Variants in TMEM38B observed in about 807,000 individuals in gnomAD.
TMEM38B encodes the protein trimeric intracellular cation channel type B.
Under a neutral mutation model 28.7 loss-of-function variants are expected in TMEM38B, and 24 were observed. That is an observed-to-expected ratio of 0.84 (90% confidence interval 0.61 to 1.18). The LOEUF (loss-of-function observed/expected upper bound fraction) is 1.18, where lower values mean the gene tolerates loss of function less well. TMEM38B is among the 50% of genes most tolerant of loss of function. TMEM38B has a pLI of 0.00. For missense variants in TMEM38B, 380 were observed against 350.9 expected (o/e 1.08, Z -0.66); for synonymous variants, 131 against 127.7 (o/e 1.03, Z -0.17).
intron 5 of TMEM38B, among the ~76,000 whole-genome samples, chr9:105,752,125 A>G (rs1837678037): frequency 6.6e-6 from 1 of 151,946 alleles, no homozygotes; most frequent in Non-Finnish European, 1.5e-5. Context: ...TTCACTGGAG[A>G]GGACCTCCCT....
chr9:105,765,424 C>T (rs1214204023), intron 5 of TMEM38B, among the ~76,000 whole-genome samples: 2 of 152,102 alleles, frequency 1.3e-5, no homozygotes, highest in Admixed American at 6.6e-5. Flanking sequence ...ATTTGTATAC[C>T]TGTGTAACTA....
At chr9:105,718,990 C>G (rs1461442948) in intron 2 of TMEM38B, among the ~76,000 whole-genome samples, 1 of 152,198 alleles carries the variant, frequency 6.6e-6, no homozygotes, top group African/African-American at 2.4e-5. Flanking sequence ...ACTGGACTAA[C>G]ATGAACTGTA....
chr9:105,694,731 C>T lies in TMEM38B; in HGVS notation c.71C>T (p.Ala24Val). The part of the protein sequence containing the change: ...RTSMFPFFDI[A>V]HYLVSVMAVK... The stretch of plus-strand genomic sequence containing the variant: ...TCCATGTTTCCCTTTTTTGACATCG[C>T]GCACTATCTAGTGTCAGTGATGGCG... The change falls in exon 1 of 6, where the codon GCG becomes GTG. Residue 24 changes from alanine to valine, a missense_variant. Physicochemically the swap from Ala to Val is moderately conservative, Grantham distance 64 (BLOSUM62 0). Coordinates refer to ENST00000374692, the MANE Select transcript of TMEM38B (RefSeq NM_018112.3). The T allele has an allele frequency of 1.2e-6, 2 of 1,613,700 alleles. No individual in the cohort carries two copies. Among genetic ancestry groups the T allele is most frequent in the South Asian group, 1.1e-5 (1 of 91,064 alleles).
intron 4 of TMEM38B, among the ~76,000 whole-genome samples, chr9:105,747,542 G>A (rs1588450557): frequency 6.6e-6 from 1 of 152,048 alleles, no homozygotes; most frequent in Admixed American, 6.6e-5. Context: ...TGGATTCATT[G>A]ATTTTTTGAA....
intron 1 of TMEM38B, among the ~76,000 whole-genome samples, chr9:105,703,492 A>G (rs1050953813): frequency 2.6e-5 from 4 of 152,348 alleles, no homozygotes; most frequent in African/African-American, 9.6e-5. Flanking sequence ...GTTGTGAATA[A>G]TGCCGCAATA....
At chr9:105,759,916 A>C in intron 5 of TMEM38B, 1 of 1,596,542 alleles carries the variant, frequency 6.3e-7, no homozygotes, top group Non-Finnish European at 8.6e-7. Context: ...TGAAATGATC[A>C]TGAAACCAAA....
intron 1 of TMEM38B, among the ~76,000 whole-genome samples, chr9:105,699,309 T>G (rs944066765): frequency 1.3e-5 from 2 of 152,156 alleles, no homozygotes; most frequent in Non-Finnish European, 2.9e-5. Context: ...ATTGGCAACT[T>G]TTTCCTATCC....
Position 105,728,869 on chromosome 9 carries a change from A to G in TMEM38B, c.542+6248A>G, listed in dbSNP as rs149287094. Among the ~76,000 whole-genome samples the G allele has an allele frequency of 1.3e-3, 200 of 152,286 alleles. 3 individuals carry two copies. The East Asian group carries it at 0.034, about 26-fold the overall frequency. On this transcript the variant is annotated intron_variant, in intron 4 of 5. Coordinates refer to ENST00000374692, the MANE Select transcript of TMEM38B (RefSeq NM_018112.3). ...TTTTCATATGTCTGTTGGCTGCATT[A>G]ATGTCTTCTTTTGAGAAGGGTCTGT...
intron 5 of TMEM38B, among the ~76,000 whole-genome samples, chr9:105,761,633 C>T (rs1415290116): frequency 6.6e-6 from 1 of 152,152 alleles, no homozygotes; most frequent in Non-Finnish European, 1.5e-5. Context: ...TAGAATCATT[C>T]AGCCTAAGAC....
chr9:105,757,723 GT>G (rs1837883634), intron 5 of TMEM38B, among the ~76,000 whole-genome samples: 1 of 152,194 alleles, frequency 6.6e-6, no homozygotes, highest in Non-Finnish European at 1.5e-5. Context: ...AAAAGAGGCT[GT>G]TGGGTTTCGA....
intron 4 of TMEM38B, among the ~76,000 whole-genome samples, chr9:105,733,239 A>G (rs188748269): frequency 1.8e-3 from 267 of 152,128 alleles, no homozygotes; most frequent in African/African-American, 6.1e-3. Flanking sequence ...TTCTGTAGCT[A>G]TCTATTAGGT....
At chr9:105,732,385 T>C (rs958781331) in intron 4 of TMEM38B, among the ~76,000 whole-genome samples, 1 of 152,228 alleles carries the variant, frequency 6.6e-6, no homozygotes, top group African/African-American at 2.4e-5. Context: ...TCTTTGCCCA[T>C]GCCTTTGTCC....
intron 5 of TMEM38B, among the ~76,000 whole-genome samples, chr9:105,766,391 C>G (rs1002034278): frequency 1.1e-4 from 16 of 152,264 alleles, no homozygotes; most frequent in Admixed American, 1.0e-3. Flanking sequence ...CGTGTGTTTA[C>G]TGGCCACTCA....
At chr9:105,717,637 A>T (rs986090552) in intron 2 of TMEM38B, among the ~76,000 whole-genome samples, 3 of 146,516 alleles carry the variant, frequency 2.0e-5, no homozygotes, top group African/African-American at 7.9e-5. Context: ...TTGTTTATGG[A>T]TATAAACATA....
At position 105,775,809 on chromosome 9, in the gene TMEM38B, A is replaced by T. The variant is rs1826707072; in HGVS notation, c.*1729A>T. The T allele has an allele frequency of 6.6e-6, 1 of 152,184 alleles. No individual in the cohort carries two copies. The highest frequency in any genetic ancestry group is 6.5e-5 in the Admixed American group (1 of 15,268). 9.4% of individuals were successfully genotyped at this position (152,184 alleles called of 1,614,324 possible). On this transcript the variant is annotated 3_prime_UTR_variant, in exon 6 of 6. Transcript: ENST00000374692. ...ATAAATTTATTAAAATAAGTTATTT[A>T]GCACCAATGGAGTATTACATTATTT... is the stretch of plus-strand genomic sequence containing the variant.
At chr9:105,736,982 G>A (rs761217499) in intron 4 of TMEM38B, among the ~76,000 whole-genome samples, 20 of 152,202 alleles carry the variant, frequency 1.3e-4, no homozygotes, top group Non-Finnish European at 2.5e-4. Flanking sequence ...GGGTCCTCTA[G>A]TTCTTGTTTT....
chr9:105,756,162 A>C (rs1316962654), intron 5 of TMEM38B, among the ~76,000 whole-genome samples: 1 of 152,222 alleles, frequency 6.6e-6, no homozygotes, highest in Non-Finnish European at 1.5e-5. Context: ...AAACAAATAA[A>C]TAAATAATAA....
intron 4 of TMEM38B, among the ~76,000 whole-genome samples, chr9:105,733,299 A>G (rs1331474066): frequency 6.6e-6 from 1 of 152,070 alleles, no homozygotes; most frequent in African/African-American, 2.4e-5. Flanking sequence ...ACAAACAGCC[A>G]TCTCTTGATG....
chr9:105,746,339 A>T (rs1254504464), intron 4 of TMEM38B, among the ~76,000 whole-genome samples: 1 of 152,166 alleles, frequency 6.6e-6, no homozygotes, highest in Non-Finnish European at 1.5e-5. Context: ...CTTTGAAGCA[A>T]TTGTGAATGG....
Sources: allele counts gnomAD v4.1 joint callset (sites outside exome capture counted in the v4.1 genomes callset), GRCh38; gene constraint gnomAD v4.1.1; transcripts MANE v1.5; gene names NCBI Gene and HGNC (gene_info 2026-07-23, HGNC 2026-07-21).